Variants in PHACTR3 observed in about 807,000 individuals in gnomAD.
PHACTR3 encodes phosphatase and actin regulator 3.
In PHACTR3, 16 loss-of-function variants were observed where a neutral mutation model predicts 66.8. That is an observed-to-expected ratio of 0.24 (90% confidence interval 0.16 to 0.36). PHACTR3 has a LOEUF of 0.36. PHACTR3 is among the 10% of genes least tolerant of loss of function. PHACTR3 has a pLI of 1.00. For missense variants in PHACTR3, 647 were observed against 719.9 expected, an observed-to-expected ratio of 0.90 and a Z score of 1.16; for synonymous variants, 323 against 292.1, an observed-to-expected ratio of 1.11 and a Z score of -1.08.
chr20:59,621,991 A>C (rs73914732), intron 1 of PHACTR3, among the ~76,000 whole-genome samples: 1,707 of 152,256 alleles, frequency 0.011, 25 homozygotes, highest in African/African-American at 0.039. Flanking sequence ...AACCTTCACT[A>C]CAGCTTTTTC....
chr20:59,741,869 T>G (rs1204713852), intron 1 of PHACTR3, among the ~76,000 whole-genome samples: 1 of 152,046 alleles, frequency 6.6e-6, no homozygotes, highest in Admixed American at 6.6e-5. Context: ...TTGAAACAAT[T>G]ATCCTGTCTC....
intron 1 of PHACTR3, among the ~76,000 whole-genome samples, chr20:59,614,838 C>T (rs2033976425): frequency 6.6e-6 from 1 of 152,192 alleles, no homozygotes; most frequent in South Asian, 2.1e-4. Context: ...GATCTTTCTG[C>T]TTCCCTTTGG....
chr20:59,605,654 G>T (rs1475285747), intron 1 of PHACTR3, among the ~76,000 whole-genome samples: 1 of 152,236 alleles, frequency 6.6e-6, no homozygotes, highest in Admixed American at 6.5e-5. Flanking sequence ...GGACAGGTGT[G>T]CTGGGCAGAG....
chr20:59,707,405 G>T (rs994021372), intron 1 of PHACTR3, among the ~76,000 whole-genome samples: 33 of 151,842 alleles, frequency 2.2e-4, no homozygotes, highest in African/African-American at 7.5e-4. Flanking sequence ...CTGACAGCTG[G>T]TAGCTAAAGA....
At chr20:59,647,131 C>T (rs1222448547) in intron 1 of PHACTR3, among the ~76,000 whole-genome samples, 1 of 152,170 alleles carries the variant, frequency 6.6e-6, no homozygotes, top group Non-Finnish European at 1.5e-5. Context: ...TTAATGGACT[C>T]CACAGTTCCA....
chr20:59,596,989 G>A (rs1439213893), intron 1 of PHACTR3, among the ~76,000 whole-genome samples: 1 of 152,264 alleles, frequency 6.6e-6, no homozygotes, highest in African/African-American at 2.4e-5. Context: ...TCCCGTGCCT[G>A]ACAGCACACA....
At chr20:59,692,791 C>T (rs555018877) in intron 1 of PHACTR3, among the ~76,000 whole-genome samples, 1 of 152,290 alleles carries the variant, frequency 6.6e-6, no homozygotes, top group East Asian at 1.9e-4. Flanking sequence ...ACTTACAAAT[C>T]TCCAAATCTG....
At position 59,738,537 on chromosome 20, in the gene PHACTR3, G is replaced by A. The variant is rs2039035243; in HGVS notation, c.119-4570G>A. 6.6e-6 allele frequency among the ~76,000 whole-genome samples: 1 copy of A among 152,110 alleles called. No homozygotes were observed. Among genetic ancestry groups the A allele is most frequent in the African/African-American group, 2.4e-5 (1 of 41,438 alleles). ...TGATGCAGGTGGCAAAGAAAGTTGG[G>A]TTCAGGGTCTGATCTGTAGTTTATT... On this transcript the variant is annotated intron_variant, in intron 1 of 12. Coordinates refer to ENST00000371015, the MANE Select transcript of PHACTR3 (RefSeq NM_080672.5). This position sits in a 1 kb window ranked among gnomAD's most constrained non-coding sequence, Gnocchi z 4.4.
chr20:59,683,819 C>T (rs1045027381), intron 1 of PHACTR3, among the ~76,000 whole-genome samples: 1 of 152,168 alleles, frequency 6.6e-6, no homozygotes, highest in Non-Finnish European at 1.5e-5. Context: ...CCACGAATCC[C>T]TTAAAGTCCC....
intron 8 of PHACTR3, among the ~76,000 whole-genome samples, chr20:59,823,725 A>C (rs1369164685): frequency 6.6e-6 from 1 of 152,190 alleles, no homozygotes; most frequent in African/African-American, 2.4e-5. Context: ...CCACCTCCCC[A>C]GATCTCACTT....
At chr20:59,620,839 C>T (rs1339119095) in intron 1 of PHACTR3, among the ~76,000 whole-genome samples, 1 of 152,324 alleles carries the variant, frequency 6.6e-6, no homozygotes, top group East Asian at 1.9e-4. Flanking sequence ...GGGTGGCTGT[C>T]TTTCCGTCAT....
chr20:59,588,094 G>A (rs1410602478), intron 1 of PHACTR3, among the ~76,000 whole-genome samples: 1 of 152,184 alleles, frequency 6.6e-6, no homozygotes, highest in Non-Finnish European at 1.5e-5. Context: ...GGGAATGAAT[G>A]GCTCTCAAAT....
chr20:59,767,207 G>C lies in PHACTR3; in HGVS notation c.563G>C (p.Ser188Thr). 1 of 1,614,224 alleles carries C rather than the reference G, an allele frequency of 6.2e-7. No homozygotes were observed. Among genetic ancestry groups the C allele is most frequent in the Non-Finnish European group, 8.5e-7 (1 of 1,180,046 alleles). Reference sequence around the variant, plus strand: ...CCAGCCAAGATGCCTTCTGCATCCAGTGGTGAAGAAGCAGACGCTGGCAGC... The same window carrying C: ...CCAGCCAAGATGCCTTCTGCATCCACTGGTGAAGAAGCAGACGCTGGCAGC... ...DDAAKMPSAS[S>T]GEEADAGSLL... The change falls in exon 5 of 13, where the codon AGT becomes ACT. Residue 188 changes from serine to threonine, a missense_variant. By Grantham distance (58) the Ser-to-Thr change is moderately conservative. Around this residue, in one of 2 missense-constraint regions of PHACTR3, gnomAD observed 577 missense variants for 571.1 expected, o/e 1.01. Transcript: ENST00000371015.
chr20:59,689,039 G>A (rs2037001617), intron 1 of PHACTR3, among the ~76,000 whole-genome samples: 1 of 152,156 alleles, frequency 6.6e-6, no homozygotes, highest in Non-Finnish European at 1.5e-5. Context: ...CGAGGTGCCT[G>A]GCTTCATTCT....
At chr20:59,655,361 G>C (rs2035583436) in intron 1 of PHACTR3, among the ~76,000 whole-genome samples, 1 of 151,994 alleles carries the variant, frequency 6.6e-6, no homozygotes. Flanking sequence ...TCTTTCCAGA[G>C]TTGTGCAACT....
At chr20:59,639,519 T>C (rs930470270) in intron 1 of PHACTR3, among the ~76,000 whole-genome samples, 9 of 152,208 alleles carry the variant, frequency 5.9e-5, no homozygotes, top group African/African-American at 2.2e-4. Flanking sequence ...CGTTCCTACC[T>C]TGGACCTCTT....
chr20:59,703,901 C>T (rs975431645), intron 1 of PHACTR3, among the ~76,000 whole-genome samples: 13 of 152,234 alleles, frequency 8.5e-5, no homozygotes, highest in Non-Finnish European at 1.8e-4. Context: ...ATTTTGTGTC[C>T]CTCCAGCAAT....
chr20:59,730,239 C>T (rs946397327), intron 1 of PHACTR3, among the ~76,000 whole-genome samples: 1 of 152,154 alleles, frequency 6.6e-6, no homozygotes, highest in African/African-American at 2.4e-5. Context: ...GGAAAAATAA[C>T]AGGAAACCTA....
rs370672189 is a variant in PHACTR3 at position 59,735,331 on chromosome 20, A to T, written c.119-7776A>T. Among the ~76,000 whole-genome samples the T allele has an allele frequency of 1.4e-4, 21 of 152,120 alleles. 1 individual carries two copies. Among genetic ancestry groups the T allele is most frequent in the African/African-American group, 5.1e-4 (21 of 41,442 alleles). The stretch of plus-strand genomic sequence containing the variant: ...ACACAGCAGGCCCTCAGCCGATATG[A>T]TGAATGGGTTTGTGAGTGAATGAAT... On this transcript the variant is annotated intron_variant, in intron 1 of 12. Transcript: ENST00000371015.
Sources: allele counts gnomAD v4.1 joint callset (sites outside exome capture counted in the v4.1 genomes callset), GRCh38; gene constraint gnomAD v4.1.1; regional missense constraint gnomAD v4.1.1; non-coding constraint Gnocchi (gnomAD v3.1); transcripts MANE v1.5; gene names NCBI Gene and HGNC (gene_info 2026-07-23, HGNC 2026-07-21).